The following ESRRG variants were observed in gnomAD, a reference collection of about 807,000 sequenced individuals.
The protein encoded by ESRRG is estrogen-related receptor gamma.
In ESRRG, 13 loss-of-function variants were observed where a neutral mutation model predicts 44.0. The observed-to-expected ratio is 0.30, with a 90% CI of 0.19 to 0.47. ESRRG has a LOEUF of 0.47. Among genes scored for constraint, ESRRG ranks in the 20% least tolerant of loss-of-function variants. ESRRG has a pLI of 1.00. For missense variants in ESRRG, 395 were observed against 580.6 expected, an observed-to-expected ratio of 0.68 and a Z score of 3.29; for synonymous variants, 215 against 214.6, an observed-to-expected ratio of 1.00 and a Z score of -0.02.
chr1:216,567,324 G>T (rs544398646), intron 4 of ESRRG, among the ~76,000 whole-genome samples: 1 of 152,222 alleles, frequency 6.6e-6, no homozygotes, highest in East Asian at 1.9e-4. Flanking sequence ...AAAGAATGGG[G>T]CTTGCATTTT....
At chr1:216,720,533 TA>T (rs1042723181) in intron 1 of ESRRG, among the ~76,000 whole-genome samples, 1 of 151,740 alleles carries the variant, frequency 6.6e-6, no homozygotes, top group Non-Finnish European at 1.5e-5. Flanking sequence ...TATCATTCCC[TA>T]AAAAAAAGGC....
At chr1:217,038,370 G>A (rs2151098335) in intron 1 of ESRRG, among the ~76,000 whole-genome samples, 1 of 152,264 alleles carries the variant, frequency 6.6e-6, no homozygotes, top group East Asian at 1.9e-4. Context: ...AACACCATTA[G>A]CTCCTTACAG....
intron 2 of ESRRG, among the ~76,000 whole-genome samples, chr1:216,877,663 C>T (rs2096378854): frequency 6.6e-6 from 1 of 152,108 alleles, no homozygotes; most frequent in Non-Finnish European, 1.5e-5. Context: ...CTCAGCCTCC[C>T]AAAGTGCTGG....
chr1:216,804,736 A>T (rs1456030768), intron 2 of ESRRG, among the ~76,000 whole-genome samples: 1 of 152,134 alleles, frequency 6.6e-6, no homozygotes, highest in Non-Finnish European at 1.5e-5. Context: ...AGTGATAAAA[A>T]GAATTGAAAT....
chr1:216,779,467 T>A (rs1559607039), intron 2 of ESRRG, among the ~76,000 whole-genome samples: 5 of 64,476 alleles, frequency 7.8e-5, no homozygotes, highest in African/African-American at 2.1e-4. Flanking sequence ...TAAATATAAA[T>A]ATATATTTAT....
intron 2 of ESRRG, among the ~76,000 whole-genome samples, chr1:216,887,329 A>T (rs1236957656): frequency 6.6e-6 from 1 of 152,214 alleles, no homozygotes; most frequent in African/African-American, 2.4e-5. Flanking sequence ...TTCATACTGT[A>T]GGAAAATAGC....
At chr1:216,550,385 A>G (rs1404315212) in intron 5 of ESRRG, among the ~76,000 whole-genome samples, 1 of 152,120 alleles carries the variant, frequency 6.6e-6, no homozygotes, top group East Asian at 1.9e-4. Context: ...AGGCCTGATC[A>G]TGTCTGATGG....
chr1:216,613,156 ATTC>A (rs1233980700), intron 3 of ESRRG, among the ~76,000 whole-genome samples: 1 of 152,150 alleles, frequency 6.6e-6, no homozygotes, highest in African/African-American at 2.4e-5. Context: ...CCAGAAATGG[ATTC>A]TTCTTCTTTG....
At chr1:216,712,401 G>A (rs979415481) in intron 1 of ESRRG, among the ~76,000 whole-genome samples, 10 of 152,060 alleles carry the variant, frequency 6.6e-5, no homozygotes, top group South Asian at 6.2e-4. Flanking sequence ...TTTTTCCAGC[G>A]ACTTTCTAAG....
intron 1 of ESRRG, among the ~76,000 whole-genome samples, chr1:217,135,053 T>C (rs1221931768): frequency 6.6e-6 from 1 of 152,166 alleles, no homozygotes; most frequent in Admixed American, 6.5e-5. Flanking sequence ...GAGATTTTGA[T>C]TAAGAGAGAT....
At chr1:217,011,320 T>C (rs1016427113) in intron 1 of ESRRG, among the ~76,000 whole-genome samples, 2 of 152,126 alleles carry the variant, frequency 1.3e-5, no homozygotes, top group African/African-American at 4.8e-5. Context: ...GAAATGAGAG[T>C]TGTCTGACAT....
At chr1:216,919,523 T>A (rs889120202) in intron 2 of ESRRG, among the ~76,000 whole-genome samples, 2 of 152,172 alleles carry the variant, frequency 1.3e-5, no homozygotes, top group Admixed American at 1.3e-4. Context: ...AGGTTAACAA[T>A]GTTTTCTAGT....
intron 1 of ESRRG, among the ~76,000 whole-genome samples, chr1:217,038,531 C>A (rs2083307303): frequency 6.6e-6 from 1 of 152,208 alleles, no homozygotes; most frequent in South Asian, 2.1e-4. Context: ...TTTGGGGTTT[C>A]CACCCTTTGA....
chr1:216,895,145 G>A lies in ESRRG; in HGVS notation c.-14+44437C>T, dbSNP rs149792043. Among the ~76,000 whole-genome samples, 6 of 152,128 alleles carry A rather than the reference G, an allele frequency of 3.9e-5. No homozygotes were observed. In the East Asian group the frequency reaches 1.2e-3, roughly 29 times the overall value. Reference sequence around the variant, plus strand: ...TAGTTTTATTTTCTAAAACATCACTGCATTTCCTTGAAGTGTAAAACAGAG... The same window carrying A: ...TAGTTTTATTTTCTAAAACATCACTACATTTCCTTGAAGTGTAAAACAGAG... On this transcript the variant is annotated intron_variant, in intron 2 of 7. Coordinates refer to the ESRRG transcript ENST00000359162.
rs776154929 is a variant in ESRRG at position 216,506,921 on chromosome 1, G to A, written c.*18C>T. 11 of 1,606,516 alleles carry A rather than the reference G, an allele frequency of 6.8e-6. No homozygotes were observed. Among genetic ancestry groups the A allele is most frequent in the Non-Finnish European group, 6.8e-6 (8 of 1,176,428 alleles). ...CCTTTTTCAACATGAAGGATGGGAA[G>A]GCCCAGGGAGCTTTTAGTCAGACCT... On this transcript the variant is annotated 3_prime_UTR_variant, in exon 7 of 7. Transcript: ENST00000408911.
chr1:216,698,352 C>T (rs1184554415), intron 1 of ESRRG, among the ~76,000 whole-genome samples: 1 of 151,400 alleles, frequency 6.6e-6, no homozygotes, highest in South Asian at 2.1e-4. Flanking sequence ...CCTGTCTGTA[C>T]TAAAAATACA....
At chr1:216,812,113 T>C (rs1160061260) in intron 2 of ESRRG, among the ~76,000 whole-genome samples, 1 of 152,140 alleles carries the variant, frequency 6.6e-6, no homozygotes, top group East Asian at 1.9e-4. Context: ...GTAGGAGGCA[T>C]AATTACCCTG....
intron 1 of ESRRG, among the ~76,000 whole-genome samples, chr1:217,053,155 A>G (rs1224347284): frequency 7.2e-6 from 1 of 138,284 alleles, no homozygotes; most frequent in Non-Finnish European, 1.6e-5. Context: ...AAAAAAAAAC[A>G]GAAAGAAAAA....
intron 1 of ESRRG, among the ~76,000 whole-genome samples, chr1:217,001,283 C>T (rs1282626613): frequency 6.6e-6 from 1 of 152,178 alleles, no homozygotes; most frequent in East Asian, 1.9e-4. Flanking sequence ...GACAGGAACT[C>T]TCCCACAGAA....
Sources: allele counts gnomAD v4.1 joint callset (sites outside exome capture counted in the v4.1 genomes callset), GRCh38; gene constraint gnomAD v4.1.1; transcripts MANE v1.5; gene names NCBI Gene and HGNC (gene_info 2026-07-23, HGNC 2026-07-21).